Variants in GNAO1 observed in about 807,000 individuals in gnomAD.
GNAO1 encodes the protein guanine nucleotide-binding protein G(o) subunit alpha.
For synonymous variants in GNAO1, 164 were observed against 180.7 expected, an observed-to-expected ratio of 0.91 and a Z score of 0.74; for missense variants, 166 against 478.7, an observed-to-expected ratio of 0.35 and a Z score of 6.10.
intron 2 of GNAO1, among the ~76,000 whole-genome samples, chr16:56,198,587 G>A (rs1391938950): frequency 6.6e-6 from 1 of 152,174 alleles, no homozygotes; most frequent in Non-Finnish European, 1.5e-5. Context: ...AACATTTGGT[G>A]CCTCAGTTTC....
intron 3 of GNAO1, among the ~76,000 whole-genome samples, chr16:56,318,427 A>G (rs1015479268): frequency 5.3e-5 from 8 of 152,214 alleles, no homozygotes; most frequent in Non-Finnish European, 1.0e-4. Context: ...CGGCCCTGCA[A>G]TGCCTGGTCT....
chr16:56,318,993 G>A (rs899236), intron 3 of GNAO1, among the ~76,000 whole-genome samples: 31,610 of 152,132 alleles, frequency 0.21, 4,241 homozygotes, highest in East Asian at 0.58. Context: ...GCCAGGATTT[G>A]AACTTGGGTC....
At chr16:56,310,648 A>C (rs1179356818) in intron 3 of GNAO1, among the ~76,000 whole-genome samples, 1 of 152,254 alleles carries the variant, frequency 6.6e-6, no homozygotes, top group Non-Finnish European at 1.5e-5. Context: ...GTAATCCACA[A>C]TGCAGGATAA....
At chr16:56,196,775 T>G (rs2036237235) in intron 2 of GNAO1, among the ~76,000 whole-genome samples, 1 of 152,220 alleles carries the variant, frequency 6.6e-6, no homozygotes, top group African/African-American at 2.4e-5. Context: ...TCGAGCACTT[T>G]GGTTGTGCGT....
At chr16:56,343,210 C>T (rs537279664) in intron 6 of GNAO1, among the ~76,000 whole-genome samples, 5 of 149,206 alleles carry the variant, frequency 3.4e-5, no homozygotes, top group African/African-American at 9.9e-5. Flanking sequence ...GGTGATTGGC[C>T]GGGCACAATG....
intron 2 of GNAO1, among the ~76,000 whole-genome samples, chr16:56,222,174 T>C (rs963825820): frequency 6.6e-6 from 1 of 152,000 alleles, no homozygotes; most frequent in African/African-American, 2.4e-5. Flanking sequence ...AGTCTATGAT[T>C]ATCTCGCAGG....
chr16:56,263,666 G>GC (rs1175840488), intron 2 of GNAO1, among the ~76,000 whole-genome samples: 3 of 152,136 alleles, frequency 2.0e-5, no homozygotes, highest in Non-Finnish European at 4.4e-5. Flanking sequence ...CCCCCCATGA[G>GC]TCACTATGTT....
intron 2 of GNAO1, chr16:56,235,235 T>C: frequency 2.3e-6 from 1 of 443,088 alleles, no homozygotes; most frequent in Non-Finnish European, 4.5e-6. Context: ...TTGCAGGACT[T>C]CCCTCTGATT....
At chr16:56,239,070 C>T (rs1294719034) in intron 2 of GNAO1, among the ~76,000 whole-genome samples, 1 of 152,182 alleles carries the variant, frequency 6.6e-6, no homozygotes, top group Non-Finnish European at 1.5e-5. Flanking sequence ...TTCTCCCTAC[C>T]ATCAGAGATG....
chr16:56,287,065 C>T (rs1172050189), intron 3 of GNAO1, among the ~76,000 whole-genome samples: 3 of 152,220 alleles, frequency 2.0e-5, no homozygotes, highest in African/African-American at 4.8e-5. Flanking sequence ...ACTGCTGCTC[C>T]CATGGCAGCC....
At chr16:56,296,084 T>C (rs2037285624) in intron 3 of GNAO1, among the ~76,000 whole-genome samples, 1 of 152,232 alleles carries the variant, frequency 6.6e-6, no homozygotes, top group Non-Finnish European at 1.5e-5. Context: ...TAAAGCCAAT[T>C]ACTGATTTCC....
chr16:56,332,407 C>G (rs1159392142), intron 4 of GNAO1, among the ~76,000 whole-genome samples: 1 of 152,194 alleles, frequency 6.6e-6, no homozygotes, highest in Non-Finnish European at 1.5e-5. Flanking sequence ...TCTCCCCTAT[C>G]CAGACGCCTT....
At chr16:56,239,539 C>T (rs1378698764) in intron 2 of GNAO1, among the ~76,000 whole-genome samples, 15 of 152,186 alleles carry the variant, frequency 9.9e-5, no homozygotes, top group African/African-American at 3.6e-4. Context: ...TGACAAGGCA[C>T]CACCCCATAA....
chr16:56,325,510 A>G (rs917139015), intron 3 of GNAO1, among the ~76,000 whole-genome samples: 7 of 152,218 alleles, frequency 4.6e-5, no homozygotes, highest in African/African-American at 1.7e-4. Flanking sequence ...GCACACATGA[A>G]TAAAATATCC....
At chr16:56,204,027 C>T (rs1256550127) in intron 2 of GNAO1, among the ~76,000 whole-genome samples, 1 of 152,030 alleles carries the variant, frequency 6.6e-6, no homozygotes, top group African/African-American at 2.4e-5. Flanking sequence ...TGTAGTCTGA[C>T]CTAAGGAATT....
rs1356568476 is a variant in GNAO1, at chr16:56,311,555, G to A, written c.304-17076G>A. Among the ~76,000 whole-genome samples the A allele has an allele frequency of 1.3e-5, 2 of 152,174 alleles. No homozygotes were observed. The highest frequency in any genetic ancestry group is 2.9e-5 in the Non-Finnish European group (2 of 68,024). On this transcript the variant is annotated intron_variant, in intron 3 of 8. Transcript: ENST00000262493. The surrounding 1 kb of genome is among the most constrained non-coding windows in gnomAD (Gnocchi z 5.2). ...AGAGAAAAACTGTTGGGGTGATGGC[G>A]CCTTGGCTGGAGCAGGCCACCCACC...
intron 4 of GNAO1, among the ~76,000 whole-genome samples, chr16:56,332,935 C>T (rs2037703260): frequency 6.6e-6 from 1 of 152,332 alleles, no homozygotes; most frequent in East Asian, 1.9e-4. Flanking sequence ...CTCCTTCTGG[C>T]TGAGACCAGA....
intron 6 of GNAO1, chr16:56,344,023 C>T (rs2037837512): frequency 1.3e-6 from 2 of 1,579,406 alleles, no homozygotes; most frequent in Admixed American, 1.7e-5. Flanking sequence ...CAGGCTCCAC[C>T]ACTCTCAGAC....
intron 6 of GNAO1, chr16:56,340,697 C>G: frequency 1.3e-6 from 1 of 745,092 alleles, no homozygotes; most frequent in Non-Finnish European, 2.3e-6. Flanking sequence ...CGTCTCCGTC[C>G]TGGTGGTCTC....
Sources: gnomAD v4.1 joint callset for allele counts (sites outside exome capture counted in the v4.1 genomes callset) on GRCh38, gnomAD v4.1.1 for gene constraint, Gnocchi (gnomAD v3.1) non-coding constraint, MANE v1.5 for transcripts, NCBI Gene and HGNC (gene_info 2026-07-23, HGNC 2026-07-21) for gene names.